BCAS1: variants seen among roughly 807,000 people sequenced by gnomAD.
BCAS1 encodes the protein brain enriched myelin associated protein 1.
BCAS1 carries 46 observed loss-of-function variants against 65.4 expected under a neutral mutation model. The ratio of observed to expected loss-of-function variants is 0.70; its 90% confidence interval spans 0.55 to 0.90. The LOEUF is 0.90. BCAS1 is among the 40% of genes least tolerant of loss of function. The pLI is 0.00. For synonymous variants in BCAS1, 298 were observed against 293.5 expected (o/e 1.02, Z -0.16); for missense variants, 793 against 771.2 (o/e 1.03, Z -0.33).
At chr20:53,967,423 C>T (rs760514075) in intron 9 of BCAS1, among the ~76,000 whole-genome samples, 1 of 152,154 alleles carries the variant, frequency 6.6e-6, no homozygotes, top group East Asian at 1.9e-4. Context: ...TACATTTGGC[C>T]TGTCTAGAAA....
intron 9 of BCAS1, among the ~76,000 whole-genome samples, chr20:53,970,670 T>C (rs2090157165): frequency 6.6e-6 from 1 of 152,212 alleles, no homozygotes; most frequent in Non-Finnish European, 1.5e-5. Flanking sequence ...CATCTAACAT[T>C]GACAATATAC....
At chr20:53,996,807 T>C (rs150733294) in intron 4 of BCAS1, among the ~76,000 whole-genome samples, 6 of 152,310 alleles carry the variant, frequency 3.9e-5, no homozygotes, top group East Asian at 1.9e-4. Flanking sequence ...TGACAGCTCT[T>C]GGAGTCAAGC....
Position 53,976,755 on chromosome 20 carries a change from A to C in BCAS1, c.1276-1325T>G, listed in dbSNP as rs138420173. ...GTGAATTCCTTTCTTCACATACAGA[A>C]TTATTCTCTCTAGATGAGATCTTCA... On this transcript the variant is annotated intron_variant, in intron 8 of 12. Coordinates refer to ENST00000688948, the MANE Select transcript of BCAS1 (RefSeq NM_001366298.2). 2.5e-3 allele frequency among the ~76,000 whole-genome samples: 386 copies of C among 152,332 alleles called. 2 individuals are homozygous for C. The highest frequency in any genetic ancestry group is 9.1e-3 in the African/African-American group (379 of 41,574).
chr20:54,060,478 ATT>A (rs11478662), intron 1 of BCAS1, among the ~76,000 whole-genome samples: 200 of 137,664 alleles, frequency 1.5e-3, no homozygotes, highest in Non-Finnish European at 2.0e-3. Context: ...ACACCAGACT[ATT>A]TTTTTTTTTT....
intron 4 of BCAS1, among the ~76,000 whole-genome samples, chr20:54,002,051 TC>T (rs376192061): frequency 3.3e-5 from 5 of 151,610 alleles, no homozygotes; most frequent in East Asian, 3.9e-4. Context: ...TTTTTTTTTT[TC>T]CCCCTTCAGT....
intron 3 of BCAS1, among the ~76,000 whole-genome samples, chr20:54,044,837 C>CAAAAAA (rs74179262): frequency 0.22 from 28,941 of 131,492 alleles, 3,150 homozygotes; most frequent in African/African-American, 0.3. Context: ...GACTCTGTCT[C>CAAAAAA]AAAAAAAAAA....
chr20:54,058,688 C>T lies in BCAS1; in HGVS notation c.31G>A (p.Val11Ile), dbSNP rs375640595. 3 of 1,534,348 alleles carry T rather than the reference C, an allele frequency of 2.0e-6. No individual in the cohort carries two copies. Among genetic ancestry groups the T allele is most frequent in the African/African-American group, 2.8e-5 (2 of 70,234 alleles). Residue 11 changes from valine (V) to isoleucine (I), a missense_variant, in exon 2 of 13, where the codon GTT becomes ATT. By Grantham distance (29) the Val-to-Ile change is conservative (BLOSUM62 3). Coordinates refer to ENST00000688948, the MANE Select transcript of BCAS1 (RefSeq NM_001366298.2). ...TCTGGTTCATTCTCTTGGTCTTCAA[C>T]TCTTTGGGGAACACTCATTTGGTTA... MGNQMSVPQRVEDQENEPEAE... is the reference protein window; with the variant it reads MGNQMSVPQRIEDQENEPEAE...
chr20:54,036,835 A>G (rs1273243559), intron 3 of BCAS1, among the ~76,000 whole-genome samples: 1 of 151,470 alleles, frequency 6.6e-6, no homozygotes, highest in African/African-American at 2.4e-5. Flanking sequence ...TGAGTTTTCT[A>G]GAAAGACTTT....
intron 12 of BCAS1, among the ~76,000 whole-genome samples, chr20:53,945,835 G>T (rs2089296558): frequency 1.3e-5 from 2 of 151,972 alleles, no homozygotes; most frequent in Admixed American, 1.3e-4. Flanking sequence ...TACAGTGGTG[G>T]GACTATGTTC....
rs2090052104 is a variant in BCAS1, at chr20:53,967,066, C to T, written c.1325G>A (p.Cys442Tyr). The change falls in exon 10 of 13, where the codon TGT (cysteine) becomes TAT (tyrosine). Residue 442 changes from cysteine to tyrosine, a missense_variant. By Grantham distance (194) the Cys-to-Tyr change is radical. Coordinates refer to ENST00000688948, the MANE Select transcript of BCAS1 (RefSeq NM_001366298.2). ...CTTTATAATCTCTACTGGTGACTCA[C>T]ACACCACCTGGATTATTTTGCCAGG... ...VPTGAEENVV[C>Y]ESPVEIIKSK... 1.2e-6 allele frequency: 2 copies of T among 1,604,424 alleles called. No homozygotes were observed. Among genetic ancestry groups the T allele is most frequent in the Admixed American group, 1.7e-5 (1 of 57,754 alleles).
At chr20:54,040,992 G>T (rs965203392) in intron 3 of BCAS1, among the ~76,000 whole-genome samples, 2 of 151,332 alleles carry the variant, frequency 1.3e-5, no homozygotes, top group African/African-American at 4.8e-5. Context: ...GTATTAATCA[G>T]CCATAAGAAG....
At position 54,054,220 on chromosome 20, in the gene BCAS1, G is replaced by C. The variant is rs145629769; in HGVS notation, c.142+3865C>G. Among the ~76,000 whole-genome samples the C allele has an allele frequency of 5.3e-5, 8 of 152,256 alleles. No homozygotes were observed. In the East Asian group the frequency reaches 1.5e-3, roughly 29 times the overall value. ...ACACGTGGGGATTATGGGAGCTACA[G>C]TTCAAGATGAGATTTGGGTGGGGAC... On this transcript the variant is annotated intron_variant, in intron 3 of 12. Transcript: ENST00000688948.
In BCAS1 at chr20:54,010,591, G is replaced by C. The variant is rs150663084; in HGVS notation, c.724-14541C>G. Among the ~76,000 whole-genome samples, 788 of 152,210 alleles carry C rather than the reference G, an allele frequency of 5.2e-3. 8 individuals carry two copies. Among genetic ancestry groups the C allele is most frequent in the African/African-American group, 0.018 (745 of 41,552 alleles). ...ATAATGCTAATGAAAGAAATCATAGGAGACCTAAATAAATGGAGAGACACA... is the reference window on the plus strand; with the variant it reads ...ATAATGCTAATGAAAGAAATCATAGCAGACCTAAATAAATGGAGAGACACA... On this transcript the variant is annotated intron_variant, in intron 4 of 12. Transcript: ENST00000688948.
chr20:54,051,671 A>T (rs2092214488), intron 3 of BCAS1, among the ~76,000 whole-genome samples: 1 of 150,418 alleles, frequency 6.6e-6, no homozygotes, highest in Non-Finnish European at 1.5e-5. Flanking sequence ...TATTGAATTT[A>T]TTTTTTTTCT....
chr20:54,040,056 T>G (rs1264530904), intron 3 of BCAS1, among the ~76,000 whole-genome samples: 2 of 151,446 alleles, frequency 1.3e-5, no homozygotes, highest in African/African-American at 4.8e-5. Flanking sequence ...CCAAAAGATA[T>G]TTAAACCATT....
intron 4 of BCAS1, among the ~76,000 whole-genome samples, chr20:54,020,301 G>C (rs1470037557): frequency 6.6e-6 from 1 of 152,046 alleles, no homozygotes; most frequent in Admixed American, 6.5e-5. Flanking sequence ...CAGAGGGAAT[G>C]ATAACTCAAA....
chr20:54,020,885 G>A (rs1425083373), intron 4 of BCAS1, among the ~76,000 whole-genome samples: 1 of 152,164 alleles, frequency 6.6e-6, no homozygotes, highest in Admixed American at 6.5e-5. Context: ...TGAATTCTTT[G>A]TTTCATGTAT....
At position 54,020,802 on chromosome 20, in the gene BCAS1, A is replaced by G. The variant is rs1237988006; in HGVS notation, c.723+7590T>C. The stretch of plus-strand genomic sequence containing the variant: ...GGTAGTGGGTCAAAACCAGCAGTAA[A>G]CAAATCAAACAGAATAGAAAAGAAT... On this transcript the variant is annotated intron_variant, in intron 4 of 12. Transcript: ENST00000688948. 3.3e-5 allele frequency among the ~76,000 whole-genome samples: 5 copies of G among 152,272 alleles called. No homozygotes were observed. The East Asian group carries it at 9.6e-4, about 29-fold the overall frequency.
rs3831640 is a variant in BCAS1, at chr20:54,043,297, T to TTGA, written c.143-14328_143-14326dup. On this transcript the variant is annotated intron_variant, in intron 3 of 12. Coordinates refer to ENST00000688948, the MANE Select transcript of BCAS1 (RefSeq NM_001366298.2). ...TTTCATTGCTTGAAGCTATGATAAC[T>TTGA]TGATGATGATGATGATGATGATGAT... Among the ~76,000 whole-genome samples the TTGA allele has an allele frequency of 3.9e-3, 582 of 149,980 alleles. 5 individuals carry two copies. The highest frequency in any genetic ancestry group is 0.035 in the East Asian group (178 of 5,056).
Sources: gnomAD v4.1 joint callset for allele counts (sites outside exome capture counted in the v4.1 genomes callset) on GRCh38, gnomAD v4.1.1 for gene constraint, MANE v1.5 for transcripts, NCBI Gene and HGNC (gene_info 2026-07-23, HGNC 2026-07-21) for gene names.